ZBTB8A: variants seen among roughly 807,000 people sequenced by gnomAD.
The protein encoded by ZBTB8A is zinc finger and BTB domain containing 8A.
Under a neutral mutation model 37.8 loss-of-function variants are expected in ZBTB8A, and 19 were observed. The observed-to-expected ratio is 0.50, with a 90% confidence interval of 0.35 to 0.74. ZBTB8A has a LOEUF of 0.74. ZBTB8A is among the 30% of genes least tolerant of loss of function. The pLI is 0.01. For synonymous variants in ZBTB8A, 181 were observed against 185.2 expected (o/e 0.98, Z 0.19); for missense variants, 394 against 537.8 (o/e 0.73, Z 2.65).
At chr1:32,547,626 CAA>C (rs745418265) in intron 1 of ZBTB8A, among the ~76,000 whole-genome samples, 26 of 98,914 alleles carry the variant, frequency 2.6e-4, no homozygotes, top group Non-Finnish European at 3.4e-4. Flanking sequence ...GTCTGTATCT[CAA>C]AAAAAAAAAA....
In ZBTB8A at chr1:32,568,121, C is replaced by G. The variant is rs111766586; in HGVS notation, c.-2+14581C>G. On this transcript the variant is annotated intron_variant, in intron 2 of 4. Transcript: ENST00000373510. The stretch of plus-strand genomic sequence containing the variant: ...CGGAGATCATGCCACTGCACTCCAG[C>G]CTGGGCGACAGAGCAAGACTCTGTC... Among the ~76,000 whole-genome samples the G allele has an allele frequency of 4.5e-4, 69 of 152,060 alleles. 1 individual carries two copies. Among genetic ancestry groups the G allele is most frequent in the African/African-American group, 1.6e-3 (66 of 41,496 alleles).
rs749713291 is a variant in ZBTB8A, at chr1:32,593,501, G to C, written c.570G>C (p.Gln190His). Residue 190 changes from glutamine to histidine, a missense_variant, in exon 3 of 5, where the codon CAG becomes CAC. This residue lies in a region of ZBTB8A where 171 missense variants were observed against 186.8 expected (regional missense o/e 0.92). Coordinates refer to ENST00000373510, the MANE Select transcript of ZBTB8A (RefSeq NM_001040441.3). ...WNKYNYHPASQKNTQQPLAKH... is the reference protein window; with the variant it reads ...WNKYNYHPASHKNTQQPLAKH... ...AGTATAATTATCATCCAGCCTCCCA[G>C]AAGAATACTCAACAACCCTTGGCCA... 1.9e-6 allele frequency: 3 copies of C among 1,613,992 alleles called. No homozygotes were observed. Among genetic ancestry groups the C allele is most frequent in the Admixed American group, 1.7e-5 (1 of 59,982 alleles).
chr1:32,558,455 A>ACACC lies in ZBTB8A; in HGVS notation c.-2+4918_-2+4919insCCAC, dbSNP rs1279374534. On this transcript the variant is annotated intron_variant, in intron 2 of 4. Transcript: ENST00000373510. The stretch of plus-strand genomic sequence containing the variant: ...AAGTATTAAACACACACACACACAC[A>ACACC]CACACACACACACACACACAAATGG... Among the ~76,000 whole-genome samples the ACACC allele has an allele frequency of 1.8e-4, 28 of 151,978 alleles. 1 individual carries two copies. The highest frequency in any genetic ancestry group is 1.4e-3 in the Admixed American group (22 of 15,206).
chr1:32,554,476 A>G (rs1644184313), intron 2 of ZBTB8A, among the ~76,000 whole-genome samples: 1 of 136,496 alleles, frequency 7.3e-6, no homozygotes, highest in Non-Finnish European at 1.6e-5. Flanking sequence ...TTATTTATTT[A>G]TTTATTTATT....
chr1:32,586,601 A>G (rs1473938260), intron 2 of ZBTB8A, among the ~76,000 whole-genome samples: 2 of 149,268 alleles, frequency 1.3e-5, no homozygotes, highest in Non-Finnish European at 3.0e-5. Flanking sequence ...TAGGAAGTGA[A>G]AATGTGAGCT....
At position 32,601,481 on chromosome 1, in the gene ZBTB8A, A is replaced by T. The variant is rs936925557; in HGVS notation, c.*1062A>T. ...AAGAGCGAAACTCCGTCTCAAAAAA[A>T]AAAGGAAAACAAACTAGGAGGTTCT... On this transcript the variant is annotated 3_prime_UTR_variant, in exon 5 of 5. Transcript: ENST00000373510. 1.8e-5 allele frequency: 7 copies of T among 394,838 alleles called. No individual in the cohort carries two copies. The highest frequency in any genetic ancestry group is 1.1e-4 in the East Asian group (3 of 27,856). The allele number at this position is 394,838 out of a possible 1,614,324, so 24.5% of individuals were successfully genotyped here.
rs140848674 is a variant in ZBTB8A at position 32,576,662 on chromosome 1, C to T, written c.-1-16269C>T. ...CAGGCTGGTCTCAAACTCCTGACCT[C>T]AGGTGATCTGCCTGCCTCGGCCTCC... On this transcript the variant is annotated intron_variant, in intron 2 of 4. Coordinates refer to ENST00000373510, the MANE Select transcript of ZBTB8A (RefSeq NM_001040441.3). 3.7e-3 allele frequency among the ~76,000 whole-genome samples: 566 copies of T among 152,186 alleles called. 8 individuals are homozygous for T. In the East Asian group the frequency reaches 0.044, roughly 12 times the overall value.
chr1:32,589,494 G>A (rs1204040445), intron 2 of ZBTB8A, among the ~76,000 whole-genome samples: 1 of 151,736 alleles, frequency 6.6e-6, no homozygotes, highest in Non-Finnish European at 1.5e-5. Flanking sequence ...CAGGTGATCC[G>A]CCTGCCTCAG....
intron 1 of ZBTB8A, among the ~76,000 whole-genome samples, chr1:32,541,006 G>C (rs1644048506): frequency 1.3e-5 from 2 of 152,244 alleles, no homozygotes; most frequent in Non-Finnish European, 2.9e-5. Context: ...TGTTGATAAT[G>C]ATTTGGGGCC....
At chr1:32,539,889 C>A (rs1347236397) in intron 1 of ZBTB8A, among the ~76,000 whole-genome samples, 1 of 149,674 alleles carries the variant, frequency 6.7e-6, no homozygotes, top group Non-Finnish European at 1.5e-5. Flanking sequence ...CCGGGCGTGT[C>A]TGGAGCCGTC....
chr1:32,584,614 G>T (rs1317470492), intron 2 of ZBTB8A, among the ~76,000 whole-genome samples: 2 of 149,918 alleles, frequency 1.3e-5, no homozygotes, highest in African/African-American at 4.9e-5. Flanking sequence ...TGGGCTCGAG[G>T]GGTCCTGCCA....
At chr1:32,583,108 C>T (rs72652190) in intron 2 of ZBTB8A, among the ~76,000 whole-genome samples, 3,616 of 152,094 alleles carry the variant, frequency 0.024, 43 homozygotes, top group Middle Eastern at 0.031. Context: ...AGGCCAGGTG[C>T]AGTGGCTCAC....
intron 2 of ZBTB8A, among the ~76,000 whole-genome samples, chr1:32,581,286 A>G (rs1051771562): frequency 4.5e-5 from 4 of 88,918 alleles, no homozygotes; most frequent in South Asian, 6.6e-4. Context: ...CAATATTAAT[A>G]TATATTTATA....
chr1:32,556,419 G>A (rs558949068), intron 2 of ZBTB8A, among the ~76,000 whole-genome samples: 4 of 152,020 alleles, frequency 2.6e-5, no homozygotes, highest in South Asian at 2.1e-4. Context: ...CCAGGCTGAC[G>A]TGCAGTGGTA....
chr1:32,543,647 A>AT (rs1180360771), intron 1 of ZBTB8A, among the ~76,000 whole-genome samples: 3 of 152,012 alleles, frequency 2.0e-5, no homozygotes, highest in East Asian at 1.9e-4. Flanking sequence ...TAAAATATGT[A>AT]TTTTTTATGA....
intron 1 of ZBTB8A, among the ~76,000 whole-genome samples, chr1:32,547,322 T>G (rs184138961): frequency 8.6e-5 from 13 of 151,330 alleles, no homozygotes; most frequent in Admixed American, 2.0e-4. Context: ...TAGAGTAGTA[T>G]TCTAAGTATA....
intron 2 of ZBTB8A, among the ~76,000 whole-genome samples, chr1:32,567,808 A>AAAC (rs1300961978): frequency 4.3e-5 from 2 of 46,004 alleles, no homozygotes; most frequent in Non-Finnish European, 7.8e-5. Flanking sequence ...AAAAAAAAAA[A>AAAC]AAAAAAAAAA....
intron 2 of ZBTB8A, among the ~76,000 whole-genome samples, chr1:32,579,152 CA>C (rs1206620342): frequency 1.3e-5 from 2 of 151,886 alleles, no homozygotes; most frequent in Non-Finnish European, 2.9e-5. Flanking sequence ...TCTGGCTGGT[CA>C]AAACTTAAAT....
At chr1:32,541,968 A>G (rs1041889089) in intron 1 of ZBTB8A, among the ~76,000 whole-genome samples, 1 of 152,156 alleles carries the variant, frequency 6.6e-6, no homozygotes, top group Admixed American at 6.5e-5. Context: ...CGATTTTTTG[A>G]CTTTACAGTG....
Sources: allele counts gnomAD v4.1 joint callset (sites outside exome capture counted in the v4.1 genomes callset), GRCh38; gene constraint gnomAD v4.1.1; regional missense constraint gnomAD v4.1.1; transcripts MANE v1.5; gene names NCBI Gene and HGNC (gene_info 2026-07-23, HGNC 2026-07-21).